The following DHRSX variants were observed in gnomAD, a reference collection of about 807,000 sequenced individuals.
DHRSX encodes the protein polyprenol dehydrogenase.
In DHRSX, 31 loss-of-function variants were observed where a neutral mutation model predicts 34.0. The observed-to-expected ratio is 0.91, with a 90% CI of 0.69 to 1.23. The LOEUF (loss-of-function observed/expected upper bound fraction) is 1.23, where lower values mean the gene tolerates loss of function less well. Among genes scored for constraint, DHRSX ranks in the 50% most tolerant of loss-of-function variants. The pLI is 0.00. For synonymous variants in DHRSX, 201 were observed against 183.8 expected, an observed-to-expected ratio of 1.09 and a Z score of -0.76; for missense variants, 414 against 428.1, an observed-to-expected ratio of 0.97 and a Z score of 0.29.
chrX:2,461,661 C>T (rs774196816), intron 1 of DHRSX, among the ~76,000 whole-genome samples: 91 of 152,306 alleles, frequency 6.0e-4, no homozygotes, highest in African/African-American at 2.1e-3. Context: ...CCCACCTCAG[C>T]CACCCAGGTA....
At chrX:2,381,199 T>C (rs1392380698) in intron 3 of DHRSX, among the ~76,000 whole-genome samples, 4 of 151,894 alleles carry the variant, frequency 2.6e-5, no homozygotes, top group African/African-American at 9.7e-5. Context: ...ACCTACAAGG[T>C]GATAGTGTTA....
At chrX:2,318,127 T>C (rs1473900683) in intron 3 of DHRSX, among the ~76,000 whole-genome samples, 1 of 151,254 alleles carries the variant, frequency 6.6e-6, no homozygotes, top group Non-Finnish European at 1.5e-5. Flanking sequence ...GGAGGATTGC[T>C]TGAGCCTAGC....
rs746652058 is a variant in DHRSX, at chrX:2,467,962, CAAAA to C, written c.109+32851_109+32854del. 9.5e-5 allele frequency among the ~76,000 whole-genome samples: 8 copies of C among 84,232 alleles called. No individual in the cohort carries two copies. The East Asian group carries it at 1.2e-3, about 12-fold the overall frequency. The allele number at this position is 84,232 out of a possible 152,430, so 55.3% of individuals were successfully genotyped here. On this transcript the variant is annotated intron_variant, in intron 1 of 6. Transcript: ENST00000334651. The stretch of plus-strand genomic sequence containing the variant: ...TGGGCGACACAGTAAAACTCCGTCT[CAAAA>C]AAAAAAAAAAAAAATGTTGGACCAA...
intron 4 of DHRSX, among the ~76,000 whole-genome samples, chrX:2,283,154 G>C (rs2041751937): frequency 6.6e-6 from 1 of 151,962 alleles, no homozygotes; most frequent in Non-Finnish European, 1.5e-5. Context: ...GCGGTGGGAA[G>C]GATGGAGCCA....
At chrX:2,397,928 G>GTGCA (rs1556505674) in intron 3 of DHRSX, among the ~76,000 whole-genome samples, 4 of 62,980 alleles carry the variant, frequency 6.4e-5, no homozygotes, top group Admixed American at 3.5e-4. Context: ...TCCTCAGAGC[G>GTGCA]CGCACACACA....
intron 1 of DHRSX, among the ~76,000 whole-genome samples, chrX:2,436,800 T>G (rs1176890263): frequency 6.6e-6 from 1 of 151,608 alleles, no homozygotes; most frequent in East Asian, 1.9e-4. Context: ...CCCCACTAAT[T>G]TATTTTTATT....
intron 5 of DHRSX, among the ~76,000 whole-genome samples, chrX:2,264,881 C>CCAGAGCACTT (rs2041424588): frequency 8.7e-6 from 1 of 115,038 alleles, no homozygotes; most frequent in African/African-American, 2.6e-5. Context: ...AGCACTATGC[C>CCAGAGCACTT]GGGCACCAAT....
At position 2,464,028 on chromosome X, in the gene DHRSX, C is replaced by A. The variant is rs182310633; in HGVS notation, c.109+36789G>T. On this transcript the variant is annotated intron_variant, in intron 1 of 6. Transcript: ENST00000334651. ...AAGAATATGGCTAAGAGACGGCCAC[C>A]TGTACACACTGGAGACGTTCCCTAA... is the stretch of plus-strand genomic sequence containing the variant. 8.7e-4 allele frequency among the ~76,000 whole-genome samples: 133 copies of A among 152,250 alleles called. No individual in the cohort carries two copies. The Middle Eastern group carries it at 0.01, about 12-fold the overall frequency.
intron 1 of DHRSX, among the ~76,000 whole-genome samples, chrX:2,434,713 G>A (rs1351098111): frequency 6.6e-6 from 1 of 152,100 alleles, no homozygotes; most frequent in Admixed American, 6.6e-5. Flanking sequence ...TTTCTTTTTG[G>A]CTCAGCTATT....
chrX:2,377,082 C>A (rs1344730810), intron 3 of DHRSX, among the ~76,000 whole-genome samples: 1 of 151,896 alleles, frequency 6.6e-6, no homozygotes, highest in Non-Finnish European at 1.5e-5. Context: ...GATGCTTCTA[C>A]ACCAGCCGTC....
chrX:2,346,794 C>G (rs1330772319), intron 3 of DHRSX, among the ~76,000 whole-genome samples: 3 of 152,070 alleles, frequency 2.0e-5, no homozygotes, highest in Admixed American at 6.6e-5. Flanking sequence ...TGCTATCCCT[C>G]CCCCAGTCCC....
intron 1 of DHRSX, among the ~76,000 whole-genome samples, chrX:2,461,862 A>G (rs1010048076): frequency 2.6e-5 from 4 of 151,954 alleles, no homozygotes; most frequent in African/African-American, 9.7e-5. Context: ...CACTTTTTGT[A>G]TTTTTAGTAG....
At chrX:2,492,969 C>T (rs1272702633) in intron 1 of DHRSX, among the ~76,000 whole-genome samples, 3 of 152,232 alleles carry the variant, frequency 2.0e-5, no homozygotes, top group Admixed American at 2.0e-4. Context: ...TCGCGGCCTG[C>T]GTTGCTGGCT....
At chrX:2,442,517 C>T in intron 1 of DHRSX, among the ~76,000 whole-genome samples, 1 of 151,612 alleles carries the variant, frequency 6.6e-6, no homozygotes, top group East Asian at 1.9e-4. Context: ...TAATAAAGCC[C>T]AGTACGTATG....
intron 3 of DHRSX, among the ~76,000 whole-genome samples, chrX:2,325,930 C>G (rs190021330): frequency 2.0e-5 from 3 of 152,174 alleles, no homozygotes; most frequent in Admixed American, 6.6e-5. Context: ...TGCCCAATGA[C>G]GAACCCCAGG....
At chrX:2,251,488 A>C (rs1292022021) in intron 5 of DHRSX, among the ~76,000 whole-genome samples, 1 of 152,136 alleles carries the variant, frequency 6.6e-6, no homozygotes, top group Non-Finnish European at 1.5e-5. Context: ...GCCTCTTTTA[A>C]ATAGTTCCAA....
intron 1 of DHRSX, among the ~76,000 whole-genome samples, chrX:2,472,288 G>A (rs775187763): frequency 1.1e-4 from 16 of 152,230 alleles, no homozygotes; most frequent in African/African-American, 3.9e-4. Context: ...TTGGGCACTG[G>A]TGGATATAAA....
intron 1 of DHRSX, among the ~76,000 whole-genome samples, chrX:2,428,605 C>T (rs781057419): frequency 1.4e-4 from 21 of 152,230 alleles, no homozygotes; most frequent in Admixed American, 9.8e-4. Flanking sequence ...GAACATCACA[C>T]ACCAGGGCCT....
At chrX:2,284,523 G>A (rs1247333835) in intron 4 of DHRSX, among the ~76,000 whole-genome samples, 4 of 152,194 alleles carry the variant, frequency 2.6e-5, no homozygotes, top group African/African-American at 4.8e-5. Context: ...ACCCTGTATC[G>A]TGGACGTATT....
Sources: gnomAD v4.1 joint callset for allele counts (sites outside exome capture counted in the v4.1 genomes callset) on GRCh38, gnomAD v4.1.1 for gene constraint, MANE v1.5 for transcripts, NCBI Gene and HGNC (gene_info 2026-07-23, HGNC 2026-07-21) for gene names.